The following HHLA2 variants were observed in gnomAD, a reference collection of about 807,000 sequenced individuals.
HHLA2 encodes HERV-H LTR-associating protein 2.
Under a neutral mutation model 45.9 loss-of-function variants are expected in HHLA2, and 48 were observed. That is an observed-to-expected ratio of 1.05 (90% CI 0.83 to 1.33). The LOEUF is 1.33. Among genes scored for constraint, HHLA2 ranks in the 40% most tolerant of loss-of-function variants. The pLI is 0.00. For synonymous variants in HHLA2, 161 were observed against 173.9 expected (o/e 0.93, Z 0.59); for missense variants, 462 against 494.3 (o/e 0.93, Z 0.62).
At chr3:108,299,409 A>C (rs914813032) in intron 1 of HHLA2, among the ~76,000 whole-genome samples, 2 of 150,784 alleles carry the variant, frequency 1.3e-5, no homozygotes, top group African/African-American at 4.9e-5. Context: ...ATTATAGATA[A>C]TAAGTGAAAA....
intron 1 of HHLA2, among the ~76,000 whole-genome samples, chr3:108,307,711 G>A (rs904382156): frequency 2.6e-5 from 4 of 151,494 alleles, no homozygotes; most frequent in African/African-American, 9.7e-5. Flanking sequence ...TGGTTCATTT[G>A]TCAAAACTTA....
intron 1 of HHLA2, among the ~76,000 whole-genome samples, chr3:108,298,555 C>T (rs910514284): frequency 1.3e-5 from 2 of 152,200 alleles, no homozygotes; most frequent in African/African-American, 4.8e-5. Context: ...TCAGCATAGG[C>T]TTCACCCTTA....
chr3:108,321,980 TGTTA>T (rs1402351896), intron 2 of HHLA2, among the ~76,000 whole-genome samples: 58 of 152,326 alleles, frequency 3.8e-4, no homozygotes, highest in African/African-American at 1.3e-3. Flanking sequence ...TCTCTGAAGA[TGTTA>T]GTTATAGTTT....
intron 6 of HHLA2, 119 bp downstream of exon 5, chr3:108,355,500 GT>G: frequency 8.6e-7 from 1 of 1,169,322 alleles, no homozygotes. Context: ...ATCTGCAGCG[GT>G]TAGAAGACCA....
At chr3:108,298,782 T>A (rs1422527095) in intron 1 of HHLA2, among the ~76,000 whole-genome samples, 1 of 152,228 alleles carries the variant, frequency 6.6e-6, no homozygotes, top group Non-Finnish European at 1.5e-5. Flanking sequence ...TTTTCCTTAG[T>A]CCTCGATCTT....
At chr3:108,362,727 A>G (rs1368221727) in intron 8 of HHLA2, among the ~76,000 whole-genome samples, 1 of 152,142 alleles carries the variant, frequency 6.6e-6, no homozygotes, top group Non-Finnish European at 1.5e-5. Flanking sequence ...GTTTCCTACT[A>G]TTTTCAATAA....
intron 3 of HHLA2, among the ~76,000 whole-genome samples, chr3:108,335,032 A>G (rs2081447882): frequency 6.6e-6 from 1 of 152,192 alleles, no homozygotes; most frequent in Non-Finnish European, 1.5e-5. Context: ...CCTGTGGCAA[A>G]TCCTAATAGA....
rs1292519952 is a variant in HHLA2 at position 108,359,664 on chromosome 3, C to T, written c.1003+1503C>T. On this transcript the variant is annotated intron_variant, in intron 7 of 10. Transcript: ENST00000619531. ...TACAGATGGGGGAACCTGAGGGTCA[C>T]GAGTACAGTGAGAAGTAGCTATACC... is the stretch of plus-strand genomic sequence containing the variant. Among the ~76,000 whole-genome samples, 38 of 152,104 alleles carry T rather than the reference C, an allele frequency of 2.5e-4. 1 individual carries two copies. Among genetic ancestry groups the T allele is most frequent in the Admixed American group, 2.5e-3 (38 of 15,270 alleles).
chr3:108,355,137 G>C (rs2081861174), exon 6 of HHLA2: 1 of 1,613,038 alleles, frequency 6.2e-7, no homozygotes, highest in African/African-American at 1.3e-5. Flanking sequence ...CCGTGATGAA[G>C]TATGAAAAGA....
At chr3:108,321,502 G>A (rs2107346478) in intron 2 of HHLA2, among the ~76,000 whole-genome samples, 1 of 152,108 alleles carries the variant, frequency 6.6e-6, no homozygotes, top group Admixed American at 6.5e-5. Flanking sequence ...CTTTTTGCTG[G>A]CAAGTCATGC....
At chr3:108,319,106 A>T (rs922296644) in intron 2 of HHLA2, among the ~76,000 whole-genome samples, 2 of 151,976 alleles carry the variant, frequency 1.3e-5, no homozygotes, top group Admixed American at 1.3e-4. Flanking sequence ...TTTCTTATTT[A>T]TGGTACCTTA....
chr3:108,298,931 G>C (rs1010442678), intron 1 of HHLA2, among the ~76,000 whole-genome samples: 1 of 152,156 alleles, frequency 6.6e-6, no homozygotes, highest in Admixed American at 6.5e-5. Flanking sequence ...TAATACTTCT[G>C]TTTCAGGTGG....
At chr3:108,366,683 C>T (rs2082068183) in intron 8 of HHLA2, among the ~76,000 whole-genome samples, 1 of 152,196 alleles carries the variant, frequency 6.6e-6, no homozygotes, top group South Asian at 2.1e-4. Flanking sequence ...AGAGATTCGA[C>T]TTCTTCCTGG....
intron 3 of HHLA2, among the ~76,000 whole-genome samples, chr3:108,337,220 C>A (rs1476474063): frequency 1.3e-5 from 2 of 152,090 alleles, no homozygotes; most frequent in African/African-American, 4.8e-5. Flanking sequence ...AAAACTGAGG[C>A]TTGCATTTGA....
chr3:108,359,778 A>G (rs2081957378), intron 7 of HHLA2, among the ~76,000 whole-genome samples: 1 of 152,162 alleles, frequency 6.6e-6, no homozygotes, highest in Admixed American at 6.5e-5. Context: ...TCTCCTTTAT[A>G]TAGGTACAGT....
chr3:108,362,483 A>G, intron 8 of HHLA2, 37 bp downstream of exon 7: 1 of 1,289,652 alleles, frequency 7.8e-7, no homozygotes, highest in Non-Finnish European at 1.1e-6. Context: ...CACGTGTTCC[A>G]CATCACGTAT....
chr3:108,366,056 C>T (rs981587523), intron 8 of HHLA2, among the ~76,000 whole-genome samples: 20 of 152,132 alleles, frequency 1.3e-4, no homozygotes, highest in African/African-American at 1.9e-4. Flanking sequence ...TGTCTTGCGC[C>T]GGTTTTCAAG....
intron 6 of HHLA2, 41 bp downstream of exon 5, chr3:108,355,422 A>G (rs746510639): frequency 1.3e-6 from 2 of 1,578,482 alleles, no homozygotes; most frequent in South Asian, 1.2e-5. Context: ...TGCTGTTTCA[A>G]AGTTGGGGGG....
intron 3 of HHLA2, among the ~76,000 whole-genome samples, chr3:108,333,707 G>A (rs552197414): frequency 3.9e-5 from 6 of 151,976 alleles, no homozygotes; most frequent in Admixed American, 6.6e-5. Flanking sequence ...TTCAGATCTC[G>A]CTGAAATCAT....
Sources: allele counts gnomAD v4.1 joint callset (sites outside exome capture counted in the v4.1 genomes callset), GRCh38; gene constraint gnomAD v4.1.1; transcripts MANE v1.5; gene names NCBI Gene and HGNC (gene_info 2026-07-23, HGNC 2026-07-21).